Variants in SUCLG2 observed in about 807,000 individuals in gnomAD.
SUCLG2 encodes the protein succinate--CoA ligase [GDP-forming] subunit beta, mitochondrial.
A neutral mutation model predicts 47.9 loss-of-function variants in SUCLG2; 42 were observed. The ratio of observed to expected loss-of-function variants is 0.88; its 90% CI spans 0.69 to 1.14. The LOEUF (loss-of-function observed/expected upper bound fraction) is 1.14, where lower values mean the gene tolerates loss of function less well. SUCLG2 is among the 50% of genes most tolerant of loss of function. The probability of loss-of-function intolerance (pLI) is 0.00; values close to 1 mark genes in which losing one functional copy is unlikely to be tolerated. For missense variants in SUCLG2, 571 were observed against 525.9 expected, an observed-to-expected ratio of 1.09 and a Z score of -0.84; for synonymous variants, 195 against 197.3, an observed-to-expected ratio of 0.99 and a Z score of 0.10.
intron 7 of SUCLG2, among the ~76,000 whole-genome samples, chr3:67,505,938 G>C (rs1021703629): frequency 1.3e-5 from 2 of 151,938 alleles, no homozygotes; most frequent in African/African-American, 4.8e-5. Context: ...CTCCAGCCTT[G>C]GCGACAGAGT....
Position 67,489,274 on chromosome 3 carries a change from A to G in SUCLG2, c.1062+6524T>C, listed in dbSNP as rs571569178. Among the ~76,000 whole-genome samples the G allele has an allele frequency of 3.9e-5, 6 of 152,328 alleles. No individual in the cohort carries two copies. The East Asian group carries it at 1.2e-3, about 29-fold the overall frequency. On this transcript the variant is annotated intron_variant, in intron 9 of 10. Transcript: ENST00000307227. Reference sequence around the variant, plus strand: ...AGACATCAGGAAAAGATATGCAAAAATCAACATTTATGAATTCCTCACACT... The same window carrying G: ...AGACATCAGGAAAAGATATGCAAAAGTCAACATTTATGAATTCCTCACACT...
intron 10 of SUCLG2, among the ~76,000 whole-genome samples, chr3:67,393,705 G>A (rs576308677): frequency 7.2e-5 from 11 of 152,190 alleles, no homozygotes; most frequent in South Asian, 2.1e-4. Flanking sequence ...ATCTGAGAAC[G>A]GGCAGACTGC....
intron 10 of SUCLG2, among the ~76,000 whole-genome samples, chr3:67,381,545 T>C (rs540599558): frequency 1.3e-5 from 2 of 152,326 alleles, no homozygotes; most frequent in East Asian, 1.9e-4. Context: ...TAAATGGTGC[T>C]ACTGACATGT....
rs372575700 is a variant in SUCLG2, at chr3:67,446,354, T to TAAAAAAA, written c.1063-45510_1063-45504dup. On this transcript the variant is annotated intron_variant, in intron 9 of 10. Transcript: ENST00000307227. ...TAATGCTGCTATAAACATTTGTATATAAAAAAAAAAAAAAAAAAAAAGAAA... is the reference window on the plus strand; with the variant it reads ...TAATGCTGCTATAAACATTTGTATATAAAAAAAAAAAAAAAAAAAAAAAAAAAAGAAA... 1.7e-4 allele frequency among the ~76,000 whole-genome samples: 3 copies of TAAAAAAA among 17,406 alleles called. 1 individual carries two copies. Among genetic ancestry groups the TAAAAAAA allele is most frequent in the Non-Finnish European group, 3.1e-4 (3 of 9,732 alleles). 11.4% of individuals were successfully genotyped at this position (17,406 alleles called of 152,430 possible). A position where few individuals can be genotyped will look rare whatever the true frequency, so the allele number is the denominator to read the frequency against.
chr3:67,611,063 G>C (rs961943374), intron 1 of SUCLG2, among the ~76,000 whole-genome samples: 17 of 152,086 alleles, frequency 1.1e-4, no homozygotes, highest in Non-Finnish European at 1.5e-5. Flanking sequence ...TCCTGATATG[G>C]ACAATTTTTC....
At chr3:67,630,970 G>A (rs919718472) in intron 1 of SUCLG2, among the ~76,000 whole-genome samples, 3 of 152,104 alleles carry the variant, frequency 2.0e-5, no homozygotes, top group Admixed American at 6.5e-5. Context: ...TCTACTCCCC[G>A]ATCCTTTAAG....
chr3:67,582,862 C>T (rs1426250150), intron 2 of SUCLG2, among the ~76,000 whole-genome samples: 1 of 151,684 alleles, frequency 6.6e-6, no homozygotes, highest in African/African-American at 2.4e-5. Context: ...TGACATTCCC[C>T]TCCCCCACCA....
At chr3:67,364,283 A>C (rs1187822188) in intron 10 of SUCLG2, among the ~76,000 whole-genome samples, 1 of 152,160 alleles carries the variant, frequency 6.6e-6, no homozygotes, top group Non-Finnish European at 1.5e-5. Context: ...AGACAGTAAC[A>C]AGACTTCCCA....
chr3:67,409,452 T>A (rs1402653667), intron 9 of SUCLG2, among the ~76,000 whole-genome samples: 1 of 152,126 alleles, frequency 6.6e-6, no homozygotes, highest in Non-Finnish European at 1.5e-5. Flanking sequence ...ACTCTGTAAG[T>A]GGCTGCTTGA....
chr3:67,397,659 G>C (rs1702577278), intron 10 of SUCLG2, among the ~76,000 whole-genome samples: 1 of 152,018 alleles, frequency 6.6e-6, no homozygotes, highest in African/African-American at 2.4e-5. Context: ...CACAGAATTG[G>C]AAAAAACTAC....
intron 10 of SUCLG2, among the ~76,000 whole-genome samples, chr3:67,398,264 C>G (rs1410700565): frequency 6.6e-6 from 1 of 150,552 alleles, no homozygotes; most frequent in African/African-American, 2.4e-5. Context: ...TTTTCGCAAC[C>G]TACTCATCTG....
At chr3:67,507,263 A>G (rs1189530881) in intron 7 of SUCLG2, among the ~76,000 whole-genome samples, 2 of 152,218 alleles carry the variant, frequency 1.3e-5, no homozygotes, top group Admixed American at 6.5e-5. Flanking sequence ...ACAGATTTCT[A>G]TCGGATGGTC....
chr3:67,617,978 T>C (rs2107327778), intron 1 of SUCLG2, among the ~76,000 whole-genome samples: 2 of 152,358 alleles, frequency 1.3e-5, no homozygotes, highest in South Asian at 4.1e-4. Context: ...CACTGAGCCC[T>C]GCTCATTGTT....
intron 10 of SUCLG2, among the ~76,000 whole-genome samples, chr3:67,388,606 A>C (rs1299296555): frequency 6.6e-6 from 1 of 152,220 alleles, no homozygotes; most frequent in Non-Finnish European, 1.5e-5. Context: ...ACAATGCAGA[A>C]ATTTGAAGAA....
intron 1 of SUCLG2, among the ~76,000 whole-genome samples, chr3:67,630,097 T>G (rs1394339561): frequency 6.6e-6 from 1 of 152,130 alleles, no homozygotes; most frequent in African/African-American, 2.4e-5. Context: ...GAGAAATGTA[T>G]TATGAGGATA....
At chr3:67,602,905 G>C (rs924732232) in intron 2 of SUCLG2, among the ~76,000 whole-genome samples, 1 of 152,018 alleles carries the variant, frequency 6.6e-6, no homozygotes, top group African/African-American at 2.4e-5. Context: ...AAATTGGGAG[G>C]CTCACATAAT....
Position 67,493,562 on chromosome 3 carries a change from G to T in SUCLG2, c.1062+2236C>A, listed in dbSNP as rs535191092. On this transcript the variant is annotated intron_variant, in intron 9 of 10. Transcript: ENST00000307227. Reference sequence around the variant, plus strand: ...GTTTTACAAAATTAAAATTTGAGGTGAGCCACTAAGAAAAGCTATTTCAAC... The same window carrying T: ...GTTTTACAAAATTAAAATTTGAGGTTAGCCACTAAGAAAAGCTATTTCAAC... Among the ~76,000 whole-genome samples the T allele has an allele frequency of 1.2e-4, 18 of 152,168 alleles. No homozygotes were observed. In the South Asian group the frequency reaches 3.7e-3, roughly 32 times the overall value.
chr3:67,523,871 T>G (rs1378424861), intron 4 of SUCLG2, among the ~76,000 whole-genome samples: 1 of 152,142 alleles, frequency 6.6e-6, no homozygotes, highest in Admixed American at 6.5e-5. Context: ...AATTATAACT[T>G]TTTAGGATAA....
intron 2 of SUCLG2, among the ~76,000 whole-genome samples, chr3:67,565,719 C>T (rs975273590): frequency 1.3e-5 from 2 of 152,184 alleles, no homozygotes; most frequent in African/African-American, 2.4e-5. Flanking sequence ...CTGTGAGCTC[C>T]TCAGGTGCAG....
Sources: gnomAD v4.1 joint callset for allele counts (sites outside exome capture counted in the v4.1 genomes callset) on GRCh38, gnomAD v4.1.1 for gene constraint, MANE v1.5 for transcripts, NCBI Gene and HGNC (gene_info 2026-07-23, HGNC 2026-07-21) for gene names.